Variants in RAB40B observed in about 807,000 individuals in gnomAD.
RAB40B encodes RAB40B, member RAS oncogene family.
RAB40B carries 21 observed loss-of-function variants against 24.0 expected under a neutral mutation model. The ratio of observed to expected loss-of-function variants is 0.88; its 90% confidence interval spans 0.62 to 1.26. The LOEUF (loss-of-function observed/expected upper bound fraction) is 1.26. Ranked by LOEUF, RAB40B falls within the 50% of genes most tolerant of loss-of-function variation. The pLI is 0.00. For synonymous variants in RAB40B, 167 were observed against 169.8 expected (o/e 0.98, Z 0.13); for missense variants, 348 against 390.5 (o/e 0.89, Z 0.92).
rs944106175 is a variant in RAB40B at position 82,663,208 on chromosome 17, C to A, written c.203+1288G>T. 5.3e-5 allele frequency among the ~76,000 whole-genome samples: 8 copies of A among 151,814 alleles called. No homozygotes were observed. Among genetic ancestry groups the A allele is most frequent in the Non-Finnish European group, 8.8e-5 (6 of 67,896 alleles). On this transcript the variant is annotated intron_variant, in intron 2 of 5. Transcript: ENST00000571995. This position sits in a 1 kb window ranked among gnomAD's most constrained non-coding sequence, Gnocchi z 6.2. ...GGGGCGCTTGGGGACACTGTGGAGA[C>A]AGGCTCCCCAGGACTGGCCACTACT...
intron 1 of RAB40B, among the ~76,000 whole-genome samples, chr17:82,683,496 A>C (rs2046465058): frequency 6.6e-6 from 1 of 152,182 alleles, no homozygotes; most frequent in South Asian, 2.1e-4. Flanking sequence ...TTTTCAAAAT[A>C]AGCAAAAGAG....
At chr17:82,681,124 T>G (rs889417555) in intron 1 of RAB40B, among the ~76,000 whole-genome samples, 11 of 151,380 alleles carry the variant, frequency 7.3e-5, no homozygotes, top group Admixed American at 7.2e-4. Flanking sequence ...TTCATATACA[T>G]TGAACACAGT....
intron 1 of RAB40B, among the ~76,000 whole-genome samples, chr17:82,678,879 GTTTTTT>G (rs35848277): frequency 3.0e-5 from 3 of 99,164 alleles, no homozygotes; most frequent in African/African-American, 7.8e-5. Flanking sequence ...CCCTTTCTGC[GTTTTTT>G]TTTTTTTTTT....
chr17:82,693,553 C>T (rs371644752), intron 1 of RAB40B, among the ~76,000 whole-genome samples: 15 of 152,268 alleles, frequency 9.9e-5, no homozygotes, highest in East Asian at 5.8e-4. Context: ...GCGATTCACA[C>T]GCATAGGGAC....
chr17:82,661,880 C>T (rs2046177156), intron 2 of RAB40B: 1 of 919,732 alleles, frequency 1.1e-6, no homozygotes, highest in African/African-American at 2.2e-5. Context: ...GAGTGAGACT[C>T]TGTCTCAGAA....
chr17:82,693,943 C>T (rs1240204164), intron 1 of RAB40B, among the ~76,000 whole-genome samples: 4 of 151,268 alleles, frequency 2.6e-5, no homozygotes, highest in Non-Finnish European at 4.4e-5. Flanking sequence ...ATTAGCCAGG[C>T]GTGGTGGCGC....
rs1355410014 is a variant in RAB40B at position 82,655,973 on chromosome 17, G to A, written c.*1890C>T. 2.1e-5 allele frequency: 3 copies of A among 143,574 alleles called. No homozygotes were observed. Among genetic ancestry groups the A allele is most frequent in the Non-Finnish European group, 4.5e-5 (3 of 66,056 alleles). 8.9% of individuals were successfully genotyped at this position (143,574 alleles called of 1,614,324 possible). ...TTCTTTTTTTTTTTTTTTTTTAGAT[G>A]GAGTTTCACTTGTCGCCCAGGCTGG... On this transcript the variant is annotated 3_prime_UTR_variant, in exon 6 of 6. Transcript: ENST00000571995.
chr17:82,685,151 A>G (rs1446711624), intron 1 of RAB40B, among the ~76,000 whole-genome samples: 2 of 147,818 alleles, frequency 1.4e-5, no homozygotes, highest in Non-Finnish European at 3.0e-5. Context: ...TCAAGAAGGG[A>G]GACATTTTAC....
intron 1 of RAB40B, among the ~76,000 whole-genome samples, chr17:82,665,471 C>T (rs1445163796): frequency 6.6e-6 from 1 of 152,128 alleles, no homozygotes; most frequent in Non-Finnish European, 1.5e-5. Context: ...CCAGGCTGGT[C>T]TCAAACGCCT....
intron 1 of RAB40B, chr17:82,668,194 C>T (rs757328406): frequency 1.9e-5 from 3 of 154,578 alleles, no homozygotes; most frequent in Middle Eastern, 5.1e-4. Context: ...CTGGTCATCC[C>T]GACGTCCGCG....
At chr17:82,665,874 AC>A (rs1293584506) in intron 1 of RAB40B, among the ~76,000 whole-genome samples, 3 of 143,952 alleles carry the variant, frequency 2.1e-5, no homozygotes, top group African/African-American at 7.6e-5. Context: ...ATCAAAACAA[AC>A]AACAAGAACA....
At position 82,658,052 on chromosome 17, in the gene RAB40B, A is replaced by C; in HGVS notation, c.648T>G (p.Ile216Met). 6.2e-7 allele frequency: 1 copy of C among 1,614,172 alleles called. No individual in the cohort carries two copies. Among genetic ancestry groups the C allele is most frequent in the Non-Finnish European group, 8.5e-7 (1 of 1,180,038 alleles). Residue 216 changes from isoleucine (I) to methionine (M), a missense_variant, in exon 6 of 6, where the codon ATT (isoleucine) becomes ATG (methionine). This residue lies in a region of RAB40B where 121 missense variants were observed against 124.0 expected (regional missense o/e 0.98). Coordinates refer to ENST00000571995, the MANE Select transcript of RAB40B (RefSeq NM_006822.3). Reference sequence around the variant, plus strand: ...AGGACTTGAGGTGGCTTCTTAAGGCAATGGGGAGCGGGAGCTTGTCCACCA... The same window carrying C: ...AGGACTTGAGGTGGCTTCTTAAGGCCATGGGGAGCGGGAGCTTGTCCACCA... The part of the protein sequence containing the change: ...VHLVDKLPLP[I>M]ALRSHLKSFS...
chr17:82,684,559 G>T (rs2046478291), intron 1 of RAB40B, among the ~76,000 whole-genome samples: 1 of 152,184 alleles, frequency 6.6e-6, no homozygotes, highest in Non-Finnish European at 1.5e-5. Context: ...GTGGGTGGGT[G>T]ATGGACTGTG....
chr17:82,670,188 T>C (rs1404132274), intron 1 of RAB40B, among the ~76,000 whole-genome samples: 1 of 145,598 alleles, frequency 6.9e-6, no homozygotes, highest in East Asian at 2.0e-4. Context: ...CTTTTTTTTT[T>C]TTTTTTTTTT....
chr17:82,662,318 CA>C, intron 2 of RAB40B: 1 of 985,482 alleles, frequency 1.0e-6, no homozygotes, highest in Non-Finnish European at 1.2e-6. Flanking sequence ...GGGAGCTGCC[CA>C]AAAGCTATGG....
Position 82,657,909 on chromosome 17 carries a change from T to TGTGGGGGGGGGGTGG in RAB40B, c.790_791insCCACCCCCCCCCCAC (p.Pro263_Gln264insProThrProProPro). On this transcript the variant is annotated inframe_insertion, in exon 6 of 6. Transcript: ENST00000571995. ...TCTGGTGCAGTTTTTGGGGGGGCTC[T>TGTGGGGGGGGGGTGG]GGGGGGGGCGGACGAGCTTCACTTT... 2.7e-6 allele frequency: 1 copy of TGTGGGGGGGGGGTGG among 369,970 alleles called. No homozygotes were observed. 22.9% of individuals were successfully genotyped at this position (369,970 alleles called of 1,614,324 possible).
chr17:82,674,708 C>G (rs1404573669), intron 1 of RAB40B, among the ~76,000 whole-genome samples: 1 of 151,674 alleles, frequency 6.6e-6, no homozygotes, highest in African/African-American at 2.4e-5. Flanking sequence ...ACTGACTGAA[C>G]GGGGGAGGGG....
At chr17:82,668,055 GCGAGA>G (rs1321962140) in intron 1 of RAB40B, among the ~76,000 whole-genome samples, 2 of 152,326 alleles carry the variant, frequency 1.3e-5, no homozygotes, top group African/African-American at 4.8e-5. Flanking sequence ...TGGAGGGTGA[GCGAGA>G]CGAGGAGGAG....
intron 2 of RAB40B, chr17:82,662,061 C>A: frequency 1.0e-6 from 1 of 985,398 alleles, no homozygotes; most frequent in Non-Finnish European, 1.2e-6. Flanking sequence ...CAGGGGCTGG[C>A]CCCGCACACG....
Sources: gnomAD v4.1 joint callset for allele counts (sites outside exome capture counted in the v4.1 genomes callset) on GRCh38, gnomAD v4.1.1 for gene constraint, gnomAD v4.1.1 regional missense constraint, Gnocchi (gnomAD v3.1) non-coding constraint, MANE v1.5 for transcripts, NCBI Gene and HGNC (gene_info 2026-07-23, HGNC 2026-07-21) for gene names.